ZBTB16: variants seen among roughly 807,000 people sequenced by gnomAD.
ZBTB16 encodes the protein zinc finger and BTB domain containing 16, also known as zinc finger and BTB domain-containing protein 16.
ZBTB16 carries 8 observed loss-of-function variants against 56.8 expected under a neutral mutation model. That is an observed-to-expected ratio of 0.14 (90% CI 0.08 to 0.25). The LOEUF (loss-of-function observed/expected upper bound fraction) is 0.25, where lower values mean the gene tolerates loss of function less well. Among genes scored for constraint, ZBTB16 ranks in the 10% least tolerant of loss-of-function variants. The probability of loss-of-function intolerance (pLI) is 1.00; values close to 1 mark genes in which losing one functional copy is unlikely to be tolerated. For missense variants in ZBTB16, 625 were observed against 903.0 expected (o/e 0.69, Z 3.95); for synonymous variants, 363 against 368.5 (o/e 0.98, Z 0.17).
intron 3 of ZBTB16, among the ~76,000 whole-genome samples, chr11:114,167,711 G>T (rs752374701): frequency 6.6e-6 from 1 of 151,920 alleles, no homozygotes; most frequent in Non-Finnish European, 1.5e-5. Context: ...CCTTTGAATG[G>T]CAAGATTCTT....
chr11:114,151,752 T>C (rs1322078164), intron 2 of ZBTB16, among the ~76,000 whole-genome samples: 1 of 152,206 alleles, frequency 6.6e-6, no homozygotes, highest in African/African-American at 2.4e-5. Flanking sequence ...TGCAGTGAGT[T>C]CTTCGCATAG....
At chr11:114,153,974 G>C (rs1942340084) in intron 2 of ZBTB16, among the ~76,000 whole-genome samples, 1 of 152,214 alleles carries the variant, frequency 6.6e-6, no homozygotes, top group Non-Finnish European at 1.5e-5. Flanking sequence ...CACCTCTGTA[G>C]TAAAAGGGCA....
intron 2 of ZBTB16, among the ~76,000 whole-genome samples, chr11:114,068,487 G>A (rs766635602): frequency 1.5e-4 from 23 of 152,194 alleles, no homozygotes; most frequent in Non-Finnish European, 3.2e-4. Flanking sequence ...GGAATGACGT[G>A]CTGTAAAAGG....
At chr11:114,248,006 T>G (rs940924671) in intron 6 of ZBTB16, among the ~76,000 whole-genome samples, 13 of 152,158 alleles carry the variant, frequency 8.5e-5, no homozygotes, top group Non-Finnish European at 1.6e-4. Flanking sequence ...CAAGCGATTC[T>G]CCTGCCTCAG....
At chr11:114,232,789 G>T (rs1304640070) in intron 4 of ZBTB16, among the ~76,000 whole-genome samples, 2 of 152,172 alleles carry the variant, frequency 1.3e-5, no homozygotes, top group Non-Finnish European at 2.9e-5. Flanking sequence ...CTGCGCACTG[G>T]CCAGGCCCCA....
chr11:114,156,597 G>T (rs1942418932), intron 3 of ZBTB16, among the ~76,000 whole-genome samples, 163 bp downstream of exon 3: 1 of 152,180 alleles, frequency 6.6e-6, no homozygotes, highest in Non-Finnish European at 1.5e-5. Flanking sequence ...TGACACAGAA[G>T]ATCCATCCTG....
intron 4 of ZBTB16, among the ~76,000 whole-genome samples, chr11:114,210,199 G>A (rs1042621293): frequency 4.0e-5 from 6 of 151,116 alleles, no homozygotes; most frequent in East Asian, 1.9e-4. Context: ...GTGTGCGTGC[G>A]CGCGCGTGCA....
At chr11:114,207,169 G>A (rs559788201) in intron 4 of ZBTB16, among the ~76,000 whole-genome samples, 36 of 151,984 alleles carry the variant, frequency 2.4e-4, no homozygotes, top group Non-Finnish European at 4.0e-4. Context: ...CTGCTCTTGC[G>A]TCTCTCTCTC....
chr11:114,111,037 C>T (rs540257803), intron 2 of ZBTB16, among the ~76,000 whole-genome samples: 21 of 152,198 alleles, frequency 1.4e-4, no homozygotes, highest in Middle Eastern at 3.4e-3. Context: ...ATTAATTAAT[C>T]GTGAGAACAT....
chr11:114,219,186 G>A (rs986088921), intron 4 of ZBTB16, among the ~76,000 whole-genome samples: 2 of 152,124 alleles, frequency 1.3e-5, no homozygotes, highest in Non-Finnish European at 2.9e-5. Flanking sequence ...TGGGAACCAG[G>A]GTAGGGAAGG....
In ZBTB16 at chr11:114,063,117, G is replaced by A; in HGVS notation, c.-90-94G>A. ...CTTGGCAACAGGGAGGAGGGGGCAT[G>A]TTGTAGTGGTTGAATTCTTACTTTT... is the stretch of plus-strand genomic sequence containing the variant. On this transcript the variant is annotated intron_variant, in intron 1 of 6. Transcript: ENST00000335953. This position sits in a 1 kb window ranked among gnomAD's most constrained non-coding sequence, Gnocchi z 6.5. The A allele has an allele frequency of 1.5e-6, 1 of 663,310 alleles. No homozygotes were observed. The highest frequency in any genetic ancestry group is 2.6e-6 in the Non-Finnish European group (1 of 383,056). The allele number at this position is 663,310 out of a possible 1,614,324, so 41.1% of individuals were successfully genotyped here.
chr11:114,205,228 T>G (rs7131127), intron 4 of ZBTB16, among the ~76,000 whole-genome samples: 24,493 of 150,790 alleles, frequency 0.16, 2,837 homozygotes, highest in African/African-American at 0.33. Flanking sequence ...GCTAACGTGG[T>G]GAAACCCCGT....
intron 4 of ZBTB16, among the ~76,000 whole-genome samples, chr11:114,215,885 A>G (rs1591789950): frequency 6.6e-6 from 1 of 152,208 alleles, no homozygotes; most frequent in Non-Finnish European, 1.5e-5. Flanking sequence ...CCCATCTGCA[A>G]TAGTCAGGGG....
At chr11:114,221,421 A>G (rs1156679407) in intron 4 of ZBTB16, among the ~76,000 whole-genome samples, 1 of 152,216 alleles carries the variant, frequency 6.6e-6, no homozygotes, top group Admixed American at 6.5e-5. Context: ...GGGAGATTAA[A>G]TAAGTTGCCC....
chr11:114,229,543 T>TCCCTCC (rs1565697594), intron 4 of ZBTB16, among the ~76,000 whole-genome samples: 26 of 152,320 alleles, frequency 1.7e-4, no homozygotes, highest in African/African-American at 6.3e-4. Flanking sequence ...TCTCACCCTC[T>TCCCTCC]ACCTGGTAGC....
At chr11:114,068,923 T>G (rs1220933276) in intron 2 of ZBTB16, among the ~76,000 whole-genome samples, 1 of 152,216 alleles carries the variant, frequency 6.6e-6, no homozygotes, top group Non-Finnish European at 1.5e-5. Context: ...AGTCCTCATT[T>G]ATAGTCCCTA....
At chr11:114,213,455 C>T (rs1189815808) in intron 4 of ZBTB16, among the ~76,000 whole-genome samples, 3 of 152,094 alleles carry the variant, frequency 2.0e-5, no homozygotes, top group Admixed American at 6.5e-5. Context: ...ATTAAATTAG[C>T]GAATGCTAAT....
chr11:114,121,044 G>C (rs747297873), intron 2 of ZBTB16, among the ~76,000 whole-genome samples: 1 of 152,186 alleles, frequency 6.6e-6, no homozygotes, highest in Non-Finnish European at 1.5e-5. Flanking sequence ...CTTGCAGTTC[G>C]TGTGAATCCT....
intron 4 of ZBTB16, chr11:114,187,814 CT>C (rs1202823488): frequency 2.0e-5 from 3 of 153,180 alleles, no homozygotes; most frequent in African/African-American, 7.2e-5. Flanking sequence ...GTATTACCAC[CT>C]GAGCTCCTCC....
Sources: gnomAD v4.1 joint callset for allele counts (sites outside exome capture counted in the v4.1 genomes callset) on GRCh38, gnomAD v4.1.1 for gene constraint, Gnocchi (gnomAD v3.1) non-coding constraint, MANE v1.5 for transcripts, NCBI Gene and HGNC (gene_info 2026-07-23, HGNC 2026-07-21) for gene names.